The following CACUL1 variants were observed in gnomAD, a reference collection of about 807,000 sequenced individuals.
CACUL1 encodes the protein CDK2 associated cullin domain 1.
CACUL1 carries 13 observed loss-of-function variants against 45.2 expected under a neutral mutation model. The observed-to-expected ratio is 0.29, with a 90% CI of 0.19 to 0.46. The LOEUF is 0.46. CACUL1 is among the 20% of genes least tolerant of loss of function. The pLI, the probability that CACUL1 is intolerant of heterozygous loss-of-function variation, is 1.00. For synonymous variants in CACUL1, 197 were observed against 174.2 expected (o/e 1.13, Z -1.03); for missense variants, 421 against 471.4 (o/e 0.89, Z 0.99).
At chr10:118,717,329 A>T (rs182733353) in intron 3 of CACUL1, among the ~76,000 whole-genome samples, 26 of 152,364 alleles carry the variant, frequency 1.7e-4, no homozygotes, top group Admixed American at 1.6e-3. Flanking sequence ...ATGCACTAAC[A>T]TTTTAACATT....
intron 1 of CACUL1, among the ~76,000 whole-genome samples, chr10:118,752,339 T>G (rs1670104997): frequency 6.6e-6 from 1 of 152,194 alleles, no homozygotes; most frequent in South Asian, 2.1e-4. Context: ...TACTCCTAGG[T>G]TACCAAGAGT....
chr10:118,738,388 G>A (rs531669066), intron 1 of CACUL1, among the ~76,000 whole-genome samples: 73 of 152,280 alleles, frequency 4.8e-4, no homozygotes, highest in African/African-American at 1.7e-3. Flanking sequence ...AGAAGTCAGC[G>A]TAAGAAATGC....
chr10:118,722,434 G>A (rs1009948082), intron 3 of CACUL1, among the ~76,000 whole-genome samples: 11 of 151,894 alleles, frequency 7.2e-5, no homozygotes, highest in African/African-American at 2.2e-4. Flanking sequence ...GTAACGTGAC[G>A]AAACCATAAC....
At chr10:118,717,872 G>GA (rs1235777754) in intron 3 of CACUL1, among the ~76,000 whole-genome samples, 1 of 152,154 alleles carries the variant, frequency 6.6e-6, no homozygotes, top group African/African-American at 2.4e-5. Flanking sequence ...TCCATAGCAA[G>GA]ATGTGCCGGG....
rs1845100404 is a variant in CACUL1 at position 118,676,684 on chromosome 10, CA to C, written c.*9443del. On this transcript the variant is annotated 3_prime_UTR_variant, in exon 9 of 9. Coordinates refer to ENST00000369151, the MANE Select transcript of CACUL1 (RefSeq NM_153810.5). ...TTAATCATGACTCTCTCTAAAAGAA[CA>C]TTTTTTTAGAAAGAGCAAAGGTTTA... 1 of 152,164 alleles carries C rather than the reference CA, an allele frequency of 6.6e-6. No individual in the cohort carries two copies. The allele number at this position is 152,164 out of a possible 1,614,324, so 9.4% of individuals were successfully genotyped here.
At chr10:118,703,776 A>T (rs1433402366) in intron 4 of CACUL1, among the ~76,000 whole-genome samples, 3 of 152,318 alleles carry the variant, frequency 2.0e-5, no homozygotes, top group African/African-American at 7.2e-5. Flanking sequence ...TTAGCGGAAA[A>T]AAAGTTATTT....
At chr10:118,693,660 T>G in intron 6 of CACUL1, 1 of 452,456 alleles carries the variant, frequency 2.2e-6, no homozygotes, top group East Asian at 7.0e-5. Context: ...TGCACTTAGA[T>G]GCTTTCAAAG....
chr10:118,713,813 G>A (rs2119605662), intron 3 of CACUL1, among the ~76,000 whole-genome samples: 1 of 152,234 alleles, frequency 6.6e-6, no homozygotes, highest in Middle Eastern at 3.4e-3. Context: ...CCCTAACAAT[G>A]TATATCTTGT....
At chr10:118,738,892 T>TAAAAAAAAA (rs150393133) in intron 1 of CACUL1, among the ~76,000 whole-genome samples, 2 of 62,258 alleles carry the variant, frequency 3.2e-5, no homozygotes, top group African/African-American at 6.2e-5. Flanking sequence ...CAAGTGCTCT[T>TAAAAAAAAA]AAAAAAAAAA....
rs369808631 is a variant in CACUL1, at chr10:118,701,335, A to G, written c.767T>C (p.Val256Ala). The change falls in exon 5 of 9, where the codon GTT (valine) becomes GCT (alanine). Residue 256 changes from valine (V) to alanine (A), a missense_variant. By Grantham distance (64) the Val-to-Ala change is moderately conservative. Transcript: ENST00000369151. ...TAGGCTGTAAATGTGCTTTTCTGCAACATGTTCCGTAAACAGCTTTATAAG... is the reference window on the plus strand; with the variant it reads ...TAGGCTGTAAATGTGCTTTTCTGCAGCATGTTCCGTAAACAGCTTTATAAG... ...DDLIKLFTEHVAEKHIYSLMP... is the reference protein window; with the variant it reads ...DDLIKLFTEHAAEKHIYSLMP... The G allele has an allele frequency of 6.4e-7, 1 of 1,573,808 alleles. No homozygotes were observed. Among genetic ancestry groups the G allele is most frequent in the African/African-American group, 1.3e-5 (1 of 74,480 alleles).
intron 5 of CACUL1, among the ~76,000 whole-genome samples, chr10:118,698,679 C>A (rs1377725487): frequency 1.3e-5 from 2 of 152,178 alleles, no homozygotes; most frequent in Non-Finnish European, 2.9e-5. Flanking sequence ...CTGAAAGTGC[C>A]AGCCCCCAGC....
rs1845117582 is a variant in CACUL1, at chr10:118,678,390, A to C, written c.*7738T>G. 1 of 152,208 alleles carries C rather than the reference A, an allele frequency of 6.6e-6. No homozygotes were observed. Among genetic ancestry groups the C allele is most frequent in the African/African-American group, 2.4e-5 (1 of 41,446 alleles). The allele number at this position is 152,208 out of a possible 1,614,324, so 9.4% of individuals were successfully genotyped here. A position where few individuals can be genotyped will look rare whatever the true frequency, so the allele number is the denominator to read the frequency against. On this transcript the variant is annotated 3_prime_UTR_variant, in exon 9 of 9. Coordinates refer to ENST00000369151, the MANE Select transcript of CACUL1 (RefSeq NM_153810.5). The stretch of plus-strand genomic sequence containing the variant: ...CATTGTTTTAATCACTACCTTTGGC[A>C]GTAAGTGTTAGAATCTTGTAGTGCT...
intron 3 of CACUL1, among the ~76,000 whole-genome samples, chr10:118,724,894 T>C (rs1272121109): frequency 1.3e-5 from 2 of 152,212 alleles, no homozygotes; most frequent in Non-Finnish European, 2.9e-5. Flanking sequence ...TAGACCTCAG[T>C]ATGAGGTATC....
chr10:118,706,882 C>T (rs1479690023), intron 4 of CACUL1, among the ~76,000 whole-genome samples: 2 of 152,162 alleles, frequency 1.3e-5, no homozygotes, highest in Admixed American at 6.5e-5. Flanking sequence ...AAGCTACATG[C>T]TACAGAAGGT....
At chr10:118,731,955 A>T (rs952904148) in intron 1 of CACUL1, among the ~76,000 whole-genome samples, 2 of 152,242 alleles carry the variant, frequency 1.3e-5, no homozygotes, top group African/African-American at 4.8e-5. Flanking sequence ...GAGTGTTTTG[A>T]CTAATGTAAA....
intron 1 of CACUL1, among the ~76,000 whole-genome samples, chr10:118,732,470 C>T (rs1845706862): frequency 6.6e-6 from 1 of 152,194 alleles, no homozygotes; most frequent in Admixed American, 6.5e-5. Flanking sequence ...ACGACTACTT[C>T]TCTCAATGTT....
At chr10:118,740,400 A>G (rs1451987939) in intron 1 of CACUL1, among the ~76,000 whole-genome samples, 1 of 152,018 alleles carries the variant, frequency 6.6e-6, no homozygotes, top group Non-Finnish European at 1.5e-5. Context: ...GCTTGAGGCC[A>G]GGAGTTCAAG....
At chr10:118,723,359 C>T (rs187874110) in intron 3 of CACUL1, among the ~76,000 whole-genome samples, 1 of 152,262 alleles carries the variant, frequency 6.6e-6, no homozygotes, top group East Asian at 1.9e-4. Flanking sequence ...CAAACCTTCA[C>T]TCCTCCCTTC....
At chr10:118,724,319 TTTCCTTC>T (rs1290746124) in intron 3 of CACUL1, among the ~76,000 whole-genome samples, 4 of 152,170 alleles carry the variant, frequency 2.6e-5, no homozygotes, top group Admixed American at 1.3e-4. Flanking sequence ...TCTATCTGAG[TTTCCTTC>T]TTCTCTTAGA....
Sources: allele counts gnomAD v4.1 joint callset (sites outside exome capture counted in the v4.1 genomes callset), GRCh38; gene constraint gnomAD v4.1.1; transcripts MANE v1.5; gene names NCBI Gene and HGNC (gene_info 2026-07-23, HGNC 2026-07-21).